Variants in PARD3 observed in about 807,000 individuals in gnomAD.
PARD3 encodes the protein partitioning defective 3 homolog.
A neutral mutation model predicts 155.4 loss-of-function variants in PARD3; 75 were observed. The ratio of observed to expected loss-of-function variants is 0.48; its 90% CI spans 0.40 to 0.58. The LOEUF (loss-of-function observed/expected upper bound fraction) is 0.58, where lower values mean the gene tolerates loss of function less well. PARD3 is among the 20% of genes least tolerant of loss of function. The pLI, the probability that PARD3 is intolerant of heterozygous loss-of-function variation, is 0.00. For missense variants in PARD3, 1,642 were observed against 1,721.7 expected (o/e 0.95, Z 0.82); for synonymous variants, 576 against 610.5 (o/e 0.94, Z 0.83).
chr10:34,344,822 T>A, intron 15 of PARD3: 1 of 985,388 alleles, frequency 1.0e-6, no homozygotes, highest in Non-Finnish European at 1.2e-6. Flanking sequence ...CCTAATCAGG[T>A]GTGACTCATG....
rs774464948 is a variant in PARD3 at position 34,814,831 on chromosome 10, G to C, written c.120+45C>G. ...GAAGCGCCATATTGATCCCGGCGCC[G>C]TCCCCGCCGCCGCCCCCTCCCCGCC... On this transcript the variant is annotated intron_variant, in intron 1 of 24. Transcript: ENST00000374788. The C allele has an allele frequency of 8.4e-5, 105 of 1,255,300 alleles. No homozygotes were observed. In the Middle Eastern group the frequency reaches 1.6e-3, roughly 19 times the overall value. 77.8% of individuals were successfully genotyped at this position (1,255,300 alleles called of 1,614,324 possible).
chr10:34,263,477 T>C (rs373504173), intron 22 of PARD3, among the ~76,000 whole-genome samples: 2 of 151,972 alleles, frequency 1.3e-5, no homozygotes, highest in Non-Finnish European at 2.9e-5. Flanking sequence ...GGCAACATAG[T>C]GAGACCCCAT....
At position 34,395,768 on chromosome 10, in the gene PARD3, C is replaced by A. The variant is rs1430738812; in HGVS notation, c.890+3562G>T. On this transcript the variant is annotated intron_variant, in intron 7 of 24. Coordinates refer to ENST00000374788, the MANE Select transcript of PARD3 (RefSeq NM_001184785.2). ...AGGAGAATGGCGTGAACCCGGGAAG[C>A]GGAGCTTGCAGTGAGCCGAGATTGC... 6.1e-5 allele frequency among the ~76,000 whole-genome samples: 2 copies of A among 32,768 alleles called. 1 individual carries two copies. Among genetic ancestry groups the A allele is most frequent in the Non-Finnish European group, 9.4e-5 (2 of 21,330 alleles). The allele number at this position is 32,768 out of a possible 152,430, so 21.5% of individuals were successfully genotyped here.
chr10:34,616,314 C>CAAAAAAAATTA (rs993334344), intron 2 of PARD3, among the ~76,000 whole-genome samples: 1 of 150,890 alleles, frequency 6.6e-6, no homozygotes, highest in Non-Finnish European at 1.5e-5. Flanking sequence ...GAGACTCTCT[C>CAAAAAAAATTA]AAAAAAAATT....
At chr10:34,415,300 C>T (rs1446418116) in intron 5 of PARD3, among the ~76,000 whole-genome samples, 1 of 152,130 alleles carries the variant, frequency 6.6e-6, no homozygotes, top group Non-Finnish European at 1.5e-5. Context: ...AAGACACATG[C>T]ACAGTCGGCT....
At chr10:34,259,058 A>T (rs1357530027) in intron 22 of PARD3, among the ~76,000 whole-genome samples, 1 of 151,982 alleles carries the variant, frequency 6.6e-6, no homozygotes, top group Non-Finnish European at 1.5e-5. Context: ...ACAGAGCAAG[A>T]TTCTGTCTCT....
Position 34,239,272 on chromosome 10 carries a change from T to C in PARD3, c.3419+30385A>G, listed in dbSNP as rs78146841. 8.7e-3 allele frequency among the ~76,000 whole-genome samples: 1,329 copies of C among 152,288 alleles called. 31 individuals are homozygous for C. Among genetic ancestry groups the C allele is most frequent in the African/African-American group, 0.031 (1,289 of 41,556 alleles). Reference sequence around the variant, plus strand: ...GCTGAGAGGATAAGCAAAAAGAGAATGTGGAGAACAGCTCTAGGCACGGTG... The same window carrying C: ...GCTGAGAGGATAAGCAAAAAGAGAACGTGGAGAACAGCTCTAGGCACGGTG... On this transcript the variant is annotated intron_variant, in intron 22 of 24. Coordinates refer to ENST00000374788, the MANE Select transcript of PARD3 (RefSeq NM_001184785.2).
In PARD3 at chr10:34,336,976, T is replaced by C. The variant is rs538163736; in HGVS notation, c.2560+299A>G. 1.4e-4 allele frequency among the ~76,000 whole-genome samples: 22 copies of C among 152,256 alleles called. No homozygotes were observed. The South Asian group carries it at 4.6e-3, about 32-fold the overall frequency. On this transcript the variant is annotated intron_variant, in intron 17 of 24. Coordinates refer to ENST00000374788, the MANE Select transcript of PARD3 (RefSeq NM_001184785.2). ...AATTGGTTTTAAATAGCCAAAGTGT[T>C]AAAACATTTCATTTTGTAAAATAAA... is the stretch of plus-strand genomic sequence containing the variant.
chr10:34,542,178 T>C (rs1233705319), intron 2 of PARD3, among the ~76,000 whole-genome samples: 2 of 150,682 alleles, frequency 1.3e-5, no homozygotes, highest in African/African-American at 4.9e-5. Flanking sequence ...CAATGTACAC[T>C]TACAAAGCAG....
At chr10:34,160,785 G>A (rs1367777511) in intron 22 of PARD3, among the ~76,000 whole-genome samples, 1 of 152,170 alleles carries the variant, frequency 6.6e-6, no homozygotes, top group Non-Finnish European at 1.5e-5. Flanking sequence ...TTGACAGCTG[G>A]ACTAAAGGAC....
intron 4 of PARD3, among the ~76,000 whole-genome samples, chr10:34,460,044 T>C (rs2077549411): frequency 6.6e-6 from 1 of 152,192 alleles, no homozygotes; most frequent in Non-Finnish European, 1.5e-5. Flanking sequence ...ATCCTACATA[T>C]TGTTTCTCAT....
intron 2 of PARD3, among the ~76,000 whole-genome samples, chr10:34,671,861 T>C (rs1370161325): frequency 3.1e-5 from 2 of 64,048 alleles, no homozygotes; most frequent in African/African-American, 1.8e-4. Flanking sequence ...GTTTTAAAGA[T>C]ATAACTCTAG....
intron 2 of PARD3, among the ~76,000 whole-genome samples, chr10:34,640,548 A>G (rs2092637456): frequency 6.6e-6 from 1 of 151,464 alleles, no homozygotes; most frequent in Admixed American, 6.6e-5. Flanking sequence ...TCTCTATACT[A>G]AAAATACAAA....
At chr10:34,539,194 C>A (rs1008840463) in intron 2 of PARD3, among the ~76,000 whole-genome samples, 1 of 152,130 alleles carries the variant, frequency 6.6e-6, no homozygotes. Flanking sequence ...TTCTAACATC[C>A]AGCCATAATG....
intron 2 of PARD3, among the ~76,000 whole-genome samples, chr10:34,657,135 G>A (rs7915232): frequency 0.069 from 10,487 of 152,044 alleles, 388 homozygotes; most frequent in Middle Eastern, 0.095. Flanking sequence ...AGCTGGGCAC[G>A]ATGGCTCATG....
intron 22 of PARD3, among the ~76,000 whole-genome samples, chr10:34,251,767 G>A (rs1420148026): frequency 6.6e-6 from 1 of 152,156 alleles, no homozygotes; most frequent in Non-Finnish European, 1.5e-5. Context: ...GCATTTTGCT[G>A]ACAGAAACTC....
At chr10:34,141,526 T>C (rs1456639860) in intron 22 of PARD3, among the ~76,000 whole-genome samples, 1 of 152,154 alleles carries the variant, frequency 6.6e-6, no homozygotes, top group Non-Finnish European at 1.5e-5. Flanking sequence ...GCTTTATGGA[T>C]CACAGGGAGG....
intron 20 of PARD3, among the ~76,000 whole-genome samples, chr10:34,307,573 C>G (rs1332203770): frequency 1.3e-5 from 2 of 152,146 alleles, no homozygotes; most frequent in African/African-American, 4.8e-5. Context: ...TGACTTAGTG[C>G]TATAAACCCA....
chr10:34,546,436 G>A (rs2084063301), intron 2 of PARD3, among the ~76,000 whole-genome samples: 1 of 151,642 alleles, frequency 6.6e-6, no homozygotes, highest in Non-Finnish European at 1.5e-5. Context: ...AGAATCACTT[G>A]AACCCAGGAG....
Sources: gnomAD v4.1 joint callset for allele counts (sites outside exome capture counted in the v4.1 genomes callset) on GRCh38, gnomAD v4.1.1 for gene constraint, MANE v1.5 for transcripts, NCBI Gene and HGNC (gene_info 2026-07-23, HGNC 2026-07-21) for gene names.